Variants in GRIK1 observed in about 807,000 individuals in gnomAD.
The protein encoded by GRIK1 is glutamate receptor ionotropic, kainate 1.
In GRIK1, 69 loss-of-function variants were observed where a neutral mutation model predicts 105.7. The observed-to-expected ratio is 0.65, with a 90% CI of 0.54 to 0.80. The LOEUF is 0.80. Among genes scored for constraint, GRIK1 ranks in the 30% least tolerant of loss-of-function variants. The pLI is 0.00. For missense variants in GRIK1, 1,109 were observed against 1,167.3 expected (o/e 0.95, Z 0.73); for synonymous variants, 438 against 431.3 (o/e 1.02, Z -0.19).
In GRIK1 at chr21:29,611,167, C is replaced by T. The variant is rs188051600; in HGVS notation, c.1099-12230G>A. ...CAGGTCCACCCAAGGATGATTTAAT[C>T]CTCTAGAGGATTGTACTTTTGTTTG... On this transcript the variant is annotated intron_variant, in intron 7 of 17. Coordinates refer to ENST00000327783, the MANE Select transcript of GRIK1 (RefSeq NM_001330994.2). Among the ~76,000 whole-genome samples, 6 of 152,258 alleles carry T rather than the reference C, an allele frequency of 3.9e-5. No individual in the cohort carries two copies. In the South Asian group the frequency reaches 1.0e-3, roughly 26 times the overall value.
At chr21:29,903,943 C>T (rs915063313) in intron 1 of GRIK1, among the ~76,000 whole-genome samples, 3 of 152,132 alleles carry the variant, frequency 2.0e-5, no homozygotes, top group Non-Finnish European at 2.9e-5. Context: ...ACCATGCAGC[C>T]ATAAAAAAGG....
At chr21:29,574,576 C>T (rs1388618842) in intron 14 of GRIK1, among the ~76,000 whole-genome samples, 5 of 151,760 alleles carry the variant, frequency 3.3e-5, no homozygotes, top group African/African-American at 9.7e-5. Context: ...TAGGAAAATA[C>T]TTTCTGCAGC....
intron 1 of GRIK1, among the ~76,000 whole-genome samples, chr21:29,873,062 TA>T (rs2069074172): frequency 1.3e-5 from 2 of 152,134 alleles, no homozygotes; most frequent in Non-Finnish European, 1.5e-5. Context: ...ACTATTTACA[TA>T]AATTGAAAGT....
At chr21:29,592,893 C>T (rs16984440) in intron 9 of GRIK1, among the ~76,000 whole-genome samples, 2,032 of 152,230 alleles carry the variant, frequency 0.013, 35 homozygotes, top group African/African-American at 0.046. Context: ...CACTTGGACC[C>T]GCTCTGAGAT....
intron 7 of GRIK1, among the ~76,000 whole-genome samples, chr21:29,612,643 A>G (rs756827919): frequency 3.3e-5 from 5 of 152,208 alleles, no homozygotes; most frequent in Admixed American, 6.5e-5. Flanking sequence ...TCACACGGCA[A>G]TCCATGATAG....
chr21:29,931,928 G>A (rs981154121), intron 1 of GRIK1, among the ~76,000 whole-genome samples: 9 of 152,132 alleles, frequency 5.9e-5, no homozygotes, highest in African/African-American at 1.7e-4. Context: ...GAAATAGTAA[G>A]TTGTAGTGAA....
chr21:29,592,481 A>C (rs2061347164), intron 9 of GRIK1, among the ~76,000 whole-genome samples: 1 of 152,162 alleles, frequency 6.6e-6, no homozygotes, highest in African/African-American at 2.4e-5. Flanking sequence ...CCAGAAGAGG[A>C]GCCTTGGGGA....
At chr21:29,766,065 G>A (rs911003121) in intron 1 of GRIK1, among the ~76,000 whole-genome samples, 2 of 151,964 alleles carry the variant, frequency 1.3e-5, no homozygotes, top group African/African-American at 4.8e-5. Context: ...TGGCCAGGTT[G>A]GTCTCGATCT....
chr21:29,777,020 A>G (rs2065963408), intron 1 of GRIK1, among the ~76,000 whole-genome samples: 1 of 152,200 alleles, frequency 6.6e-6, no homozygotes, highest in African/African-American at 2.4e-5. Flanking sequence ...AAATTAGCCT[A>G]AGGAAGAAGA....
intron 14 of GRIK1, among the ~76,000 whole-genome samples, chr21:29,563,995 T>G (rs1224852768): frequency 6.6e-6 from 1 of 152,222 alleles, no homozygotes; most frequent in East Asian, 1.9e-4. Context: ...GATTTTAATC[T>G]CATTTGATCT....
intron 16 of GRIK1, among the ~76,000 whole-genome samples, chr21:29,554,176 A>T (rs1461788454): frequency 6.6e-6 from 1 of 152,198 alleles, no homozygotes; most frequent in African/African-American, 2.4e-5. Flanking sequence ...TTCAAAAATT[A>T]TTTAGAATTT....
intron 1 of GRIK1, among the ~76,000 whole-genome samples, chr21:29,780,403 T>G (rs1339520183): frequency 6.6e-6 from 1 of 152,172 alleles, no homozygotes; most frequent in Non-Finnish European, 1.5e-5. Flanking sequence ...AATAGAAAAA[T>G]TCAGTGCATG....
intron 1 of GRIK1, among the ~76,000 whole-genome samples, chr21:29,785,024 GCAAAA>G (rs2066221789): frequency 6.6e-6 from 1 of 152,122 alleles, no homozygotes; most frequent in Admixed American, 6.5e-5. Flanking sequence ...TGAAGTTGCA[GCAAAA>G]CAAAACAAAC....
chr21:29,834,323 T>A (rs1027203646), intron 1 of GRIK1, among the ~76,000 whole-genome samples: 4 of 148,424 alleles, frequency 2.7e-5, no homozygotes, highest in African/African-American at 4.9e-5. Context: ...TATATATATA[T>A]AAAAATATAT....
intron 1 of GRIK1, among the ~76,000 whole-genome samples, chr21:29,755,888 A>T (rs1239729840): frequency 6.6e-6 from 1 of 152,178 alleles, no homozygotes. Flanking sequence ...TTCGGATAAC[A>T]TTTTACCAGG....
At chr21:29,607,764 G>A (rs1383929223) in intron 7 of GRIK1, among the ~76,000 whole-genome samples, 1 of 152,036 alleles carries the variant, frequency 6.6e-6, no homozygotes, top group African/African-American at 2.4e-5. Flanking sequence ...CCTGAAAAGA[G>A]GCTAGTTAAT....
intron 1 of GRIK1, among the ~76,000 whole-genome samples, chr21:29,813,926 T>A (rs931629006): frequency 8.0e-5 from 12 of 149,434 alleles, no homozygotes; most frequent in African/African-American, 3.0e-4. Context: ...TTTTTTTTTT[T>A]TTTTTGAGAT....
intron 1 of GRIK1, among the ~76,000 whole-genome samples, chr21:29,735,997 T>C (rs1261034798): frequency 6.6e-6 from 1 of 152,148 alleles, no homozygotes; most frequent in Non-Finnish European, 1.5e-5. Flanking sequence ...AGTCAAATGT[T>C]TTTCCCTAGC....
chr21:29,720,497 G>A (rs943499467), intron 1 of GRIK1, among the ~76,000 whole-genome samples: 4 of 149,756 alleles, frequency 2.7e-5, no homozygotes, highest in Non-Finnish European at 4.4e-5. Flanking sequence ...GTGTGTATAT[G>A]TGTGTGTGTG....
Sources: gnomAD v4.1 joint callset for allele counts (sites outside exome capture counted in the v4.1 genomes callset) on GRCh38, gnomAD v4.1.1 for gene constraint, MANE v1.5 for transcripts, NCBI Gene and HGNC (gene_info 2026-07-23, HGNC 2026-07-21) for gene names.